The following MAML3 variants were observed in gnomAD, a reference collection of about 807,000 sequenced individuals.
MAML3 encodes the protein mastermind like transcriptional coactivator 3, also known as mastermind-like protein 3.
MAML3 carries 27 observed loss-of-function variants against 101.9 expected under a neutral mutation model. The ratio of observed to expected loss-of-function variants is 0.27; its 90% CI spans 0.20 to 0.37. The LOEUF is 0.37. Among genes scored for constraint, MAML3 ranks in the 10% least tolerant of loss-of-function variants. The pLI is 1.00. For missense variants in MAML3, 1,316 were observed against 1,444.9 expected (o/e 0.91, Z 1.45); for synonymous variants, 501 against 555.9 (o/e 0.90, Z 1.39).
chr4:139,845,752 T>C (rs898107108), intron 2 of MAML3, among the ~76,000 whole-genome samples: 2 of 152,248 alleles, frequency 1.3e-5, no homozygotes, highest in African/African-American at 4.8e-5. Context: ...AATAGTTTCA[T>C]TGGTACCACA....
At chr4:140,115,142 T>C (rs758410855) in intron 1 of MAML3, among the ~76,000 whole-genome samples, 1 of 152,250 alleles carries the variant, frequency 6.6e-6, no homozygotes, top group Non-Finnish European at 1.5e-5. Flanking sequence ...TATGGAGATA[T>C]GTAAAATAAT....
Position 139,893,797 on chromosome 4 carries a change from G to GTGC in MAML3, c.469-2833_469-2831dup, listed in dbSNP as rs529111580. Among the ~76,000 whole-genome samples, 145 of 152,214 alleles carry GTGC rather than the reference G, an allele frequency of 9.5e-4. 2 individuals are homozygous for GTGC. The highest frequency in any genetic ancestry group is 2.7e-3 in the South Asian group (13 of 4,822). On this transcript the variant is annotated intron_variant, in intron 1 of 4. Coordinates refer to ENST00000509479, the MANE Select transcript of MAML3 (RefSeq NM_018717.5). ...TCAATTATAAACCTAACTCATCTGT[G>GTGC]TGCTGCTTTCCTTTCTGTCAGAAAG...
intron 1 of MAML3, among the ~76,000 whole-genome samples, chr4:139,942,262 C>T (rs1170115548): frequency 4.6e-5 from 7 of 152,018 alleles, no homozygotes; most frequent in African/African-American, 1.7e-4. Context: ...TCAAGAAGAA[C>T]ACAACCCAGA....
Position 140,143,170 on chromosome 4 carries a change from C to G in MAML3, c.468+9690G>C, listed in dbSNP as rs143674512. ...CATAAAACTAATTTGAAATGTAAAA[C>G]TATGTCCTGCTGCAGCCCAGTGAGA... On this transcript the variant is annotated intron_variant, in intron 1 of 4. Coordinates refer to ENST00000509479, the MANE Select transcript of MAML3 (RefSeq NM_018717.5). 4.4e-4 allele frequency among the ~76,000 whole-genome samples: 67 copies of G among 152,318 alleles called. No individual in the cohort carries two copies. In the East Asian group the frequency reaches 0.011, roughly 24 times the overall value.
At chr4:139,881,220 A>G (rs1560822922) in intron 2 of MAML3, among the ~76,000 whole-genome samples, 1 of 152,074 alleles carries the variant, frequency 6.6e-6, no homozygotes, top group Non-Finnish European at 1.5e-5. Context: ...CGGGTGGATT[A>G]CTCTGCAGAG....
chr4:140,072,670 C>CAAAAA (rs11351354), intron 1 of MAML3, among the ~76,000 whole-genome samples: 1 of 111,958 alleles, frequency 8.9e-6, no homozygotes, highest in African/African-American at 3.3e-5. Flanking sequence ...AACTCCGTCT[C>CAAAAA]AAAAAAAAAA....
intron 1 of MAML3, among the ~76,000 whole-genome samples, chr4:139,912,858 G>A (rs1378261407): frequency 2.0e-5 from 3 of 152,238 alleles, no homozygotes; most frequent in South Asian, 4.2e-4. Flanking sequence ...TTTTACCTTC[G>A]AGCATCCAGG....
intron 2 of MAML3, among the ~76,000 whole-genome samples, chr4:139,763,563 T>A (rs1381475688): frequency 6.6e-6 from 1 of 152,038 alleles, no homozygotes; most frequent in East Asian, 1.9e-4. Flanking sequence ...ATTGCCAAAA[T>A]AAACAGAATT....
intron 1 of MAML3, chr4:140,133,935 C>T: frequency 2.9e-6 from 1 of 344,398 alleles, no homozygotes; most frequent in Non-Finnish European, 5.8e-6. Context: ...ATTTTTTACC[C>T]ATACTTAACA....
At chr4:140,046,019 T>A (rs1238489777) in intron 1 of MAML3, among the ~76,000 whole-genome samples, 1 of 152,162 alleles carries the variant, frequency 6.6e-6, no homozygotes, top group Non-Finnish European at 1.5e-5. Context: ...CAATATGAAA[T>A]ATAAATGCCC....
At position 139,890,204 on chromosome 4, in the gene MAML3, G is replaced by T; in HGVS notation, c.1232C>A (p.Ala411Glu). 1 of 1,613,426 alleles carries T rather than the reference G, an allele frequency of 6.2e-7. No homozygotes were observed. Among genetic ancestry groups the T allele is most frequent in the Non-Finnish European group, 8.5e-7 (1 of 1,179,878 alleles). Residue 411 changes from alanine to glutamate, a missense_variant, in exon 2 of 5, where the codon GCA becomes GAA. Coordinates refer to ENST00000509479, the MANE Select transcript of MAML3 (RefSeq NM_018717.5). The surrounding 1 kb of genome is among the most constrained non-coding windows in gnomAD (Gnocchi z 4.1). ...PAAPNPASSP[A>E]NCAVQSPQTP... ...TTGAGGGGACTGGACAGCACAGTTT[G>T]CTGGTGAGCTTGCAGGGTTTGGAGC...
chr4:140,054,237 C>T (rs184409702), intron 1 of MAML3, among the ~76,000 whole-genome samples: 49 of 151,748 alleles, frequency 3.2e-4, no homozygotes, highest in Admixed American at 7.9e-4. Flanking sequence ...GGGCATGGGA[C>T]GCATGCCTGT....
At chr4:139,806,925 A>AGAT (rs1224285363) in intron 2 of MAML3, among the ~76,000 whole-genome samples, 1 of 152,194 alleles carries the variant, frequency 6.6e-6, no homozygotes, top group Non-Finnish European at 1.5e-5. Context: ...TGATACAGAG[A>AGAT]GATCATCTTG....
intron 1 of MAML3, among the ~76,000 whole-genome samples, chr4:139,907,692 G>T (rs978743783): frequency 1.3e-5 from 2 of 152,300 alleles, no homozygotes; most frequent in Middle Eastern, 6.8e-3. Context: ...AAAGGAATTT[G>T]TAGGCTGTTG....
intron 1 of MAML3, among the ~76,000 whole-genome samples, chr4:140,072,152 C>A (rs1727670493): frequency 6.6e-6 from 1 of 152,154 alleles, no homozygotes; most frequent in Admixed American, 6.5e-5. Flanking sequence ...ATCCTTCCTT[C>A]TCTAGACATG....
chr4:139,962,024 C>T (rs1368012625), intron 1 of MAML3, among the ~76,000 whole-genome samples: 1 of 151,980 alleles, frequency 6.6e-6, no homozygotes, highest in Non-Finnish European at 1.5e-5. Flanking sequence ...GCTGGAGGCT[C>T]AGGTGGGAGG....
At chr4:139,878,876 T>C (rs753813615) in intron 2 of MAML3, among the ~76,000 whole-genome samples, 11 of 152,280 alleles carry the variant, frequency 7.2e-5, no homozygotes, top group Non-Finnish European at 1.3e-4. Flanking sequence ...ATGTGTGTAG[T>C]ATCCATTCCT....
intron 1 of MAML3, among the ~76,000 whole-genome samples, chr4:140,025,804 A>G (rs1413824754): frequency 1.3e-5 from 2 of 152,194 alleles, no homozygotes. Flanking sequence ...AAAATACTAC[A>G]TAAAATGAGT....
At chr4:140,040,436 G>A (rs1282859657) in intron 1 of MAML3, among the ~76,000 whole-genome samples, 1 of 152,200 alleles carries the variant, frequency 6.6e-6, no homozygotes, top group East Asian at 1.9e-4. Flanking sequence ...TAGAGGACAA[G>A]GGTCCCTCCC....
Sources: gnomAD v4.1 joint callset for allele counts (sites outside exome capture counted in the v4.1 genomes callset) on GRCh38, gnomAD v4.1.1 for gene constraint, Gnocchi (gnomAD v3.1) non-coding constraint, MANE v1.5 for transcripts, NCBI Gene and HGNC (gene_info 2026-07-23, HGNC 2026-07-21) for gene names.